PRMT3: variants seen among roughly 807,000 people sequenced by gnomAD.
PRMT3 encodes protein arginine methyltransferase 3.
PRMT3 carries 62 observed loss-of-function variants against 71.9 expected under a neutral mutation model. That is an observed-to-expected ratio of 0.86 (90% CI 0.70 to 1.07). The LOEUF (loss-of-function observed/expected upper bound fraction) is 1.07, where lower values mean the gene tolerates loss of function less well. Among genes scored for constraint, PRMT3 ranks in the 50% least tolerant of loss-of-function variants. The probability of loss-of-function intolerance (pLI) is 0.00; values close to 1 mark genes in which losing one functional copy is unlikely to be tolerated. For synonymous variants in PRMT3, 213 were observed against 220.4 expected (o/e 0.97, Z 0.30); for missense variants, 663 against 643.0 (o/e 1.03, Z -0.34).
chr11:20,410,609 AT>A (rs1290367237), intron 9 of PRMT3, among the ~76,000 whole-genome samples: 1 of 151,878 alleles, frequency 6.6e-6, no homozygotes, highest in African/African-American at 2.4e-5. Flanking sequence ...TTTAAGAACA[AT>A]TTTTTTTCTG....
intron 13 of PRMT3, among the ~76,000 whole-genome samples, chr11:20,491,755 C>T (rs1370046711): frequency 6.6e-6 from 1 of 152,094 alleles, no homozygotes; most frequent in Non-Finnish European, 1.5e-5. Context: ...TAGTTCAATG[C>T]TCTAAGCTTT....
intron 9 of PRMT3, among the ~76,000 whole-genome samples, chr11:20,422,759 CAT>C: frequency 6.6e-6 from 1 of 152,270 alleles, no homozygotes; most frequent in African/African-American, 2.4e-5. Flanking sequence ...CCTGAGCTAA[CAT>C]AGTTTCAAGT....
At chr11:20,427,008 G>A in intron 10 of PRMT3, 143 bp downstream of exon 10, 2 of 1,228,292 alleles carry the variant, frequency 1.6e-6, no homozygotes, top group Non-Finnish European at 2.1e-6. Context: ...ATACTATAAT[G>A]TGTAATTTAA....
At chr11:20,460,718 T>A (rs1395025091) in intron 11 of PRMT3, among the ~76,000 whole-genome samples, 1 of 152,232 alleles carries the variant, frequency 6.6e-6, no homozygotes, top group Non-Finnish European at 1.5e-5. Flanking sequence ...TCCTTTTGAA[T>A]CTGCCCATAT....
intron 15 of PRMT3, among the ~76,000 whole-genome samples, chr11:20,501,056 T>G (rs919855464): frequency 2.6e-5 from 4 of 152,208 alleles, no homozygotes; most frequent in African/African-American, 9.6e-5. Flanking sequence ...TTCTTGCTTT[T>G]GTCCAAGATG....
chr11:20,402,203 T>G (rs913410618), intron 7 of PRMT3, among the ~76,000 whole-genome samples: 3 of 151,990 alleles, frequency 2.0e-5, no homozygotes, highest in Non-Finnish European at 4.4e-5. Context: ...CACCGCAACC[T>G]CCGCCTCCCG....
rs185784745 is a variant in PRMT3, at chr11:20,460,842, A to G, written c.1073-1138A>G. The stretch of plus-strand genomic sequence containing the variant: ...TCAGCCTCAAAGTCCTCTGAGTTCT[A>G]CTTCATAAATATCCCTTGAATACAT... On this transcript the variant is annotated intron_variant, in intron 11 of 15. Coordinates refer to ENST00000331079, the MANE Select transcript of PRMT3 (RefSeq NM_005788.4). Among the ~76,000 whole-genome samples, 10 of 152,270 alleles carry G rather than the reference A, an allele frequency of 6.6e-5. No individual in the cohort carries two copies. In the East Asian group the frequency reaches 1.7e-3, roughly 26 times the overall value.
intron 10 of PRMT3, among the ~76,000 whole-genome samples, chr11:20,433,022 G>A (rs547992127): frequency 5.9e-5 from 9 of 151,638 alleles, no homozygotes; most frequent in African/African-American, 1.7e-4. Context: ...TTTCTTTTCT[G>A]TGCAGAAACT....
intron 13 of PRMT3, among the ~76,000 whole-genome samples, chr11:20,469,930 AAGAT>A (rs1472035457): frequency 6.6e-6 from 1 of 152,246 alleles, no homozygotes; most frequent in East Asian, 1.9e-4. Flanking sequence ...ACAGTTGTTA[AAGAT>A]AAACATCTGA....
chr11:20,451,064 T>G (rs1850137625), intron 10 of PRMT3, among the ~76,000 whole-genome samples: 1 of 152,170 alleles, frequency 6.6e-6, no homozygotes. Context: ...AAACTGATAG[T>G]GATTTCTCAG....
intron 15 of PRMT3, among the ~76,000 whole-genome samples, chr11:20,497,669 T>C (rs1851363654): frequency 6.6e-6 from 1 of 152,210 alleles, no homozygotes; most frequent in African/African-American, 2.4e-5. Flanking sequence ...CCCGGAGTTT[T>C]ACGCAAGTAA....
At chr11:20,474,908 A>G (rs2133422711) in intron 13 of PRMT3, among the ~76,000 whole-genome samples, 1 of 152,370 alleles carries the variant, frequency 6.6e-6, no homozygotes, top group African/African-American at 2.4e-5. Context: ...CTCACAATCT[A>G]AACTAAAACC....
intron 15 of PRMT3, among the ~76,000 whole-genome samples, chr11:20,504,741 A>AGAGAGAGC (rs1565243517): frequency 7.3e-6 from 1 of 137,734 alleles, no homozygotes; most frequent in Admixed American, 7.2e-5. Flanking sequence ...AGAGAGAGAG[A>AGAGAGAGC]GAGAGCGAGA....
intron 10 of PRMT3, among the ~76,000 whole-genome samples, chr11:20,427,586 G>A (rs1283101137): frequency 6.6e-6 from 1 of 151,986 alleles, no homozygotes; most frequent in African/African-American, 2.4e-5. Flanking sequence ...TTAGCTGGGC[G>A]TAGTGGCAGG....
At chr11:20,429,723 C>G (rs1463878887) in intron 10 of PRMT3, among the ~76,000 whole-genome samples, 1 of 152,170 alleles carries the variant, frequency 6.6e-6, no homozygotes, top group Non-Finnish European at 1.5e-5. Context: ...GAGTTGAAGT[C>G]TAGCAACTGT....
chr11:20,419,336 G>C (rs1026594679), intron 9 of PRMT3, among the ~76,000 whole-genome samples: 1 of 152,116 alleles, frequency 6.6e-6, no homozygotes, highest in African/African-American at 2.4e-5. Flanking sequence ...CTTTTGCTCA[G>C]GTTTCTTTTG....
chr11:20,427,167 A>G (rs1262757108), intron 10 of PRMT3, among the ~76,000 whole-genome samples: 1 of 152,134 alleles, frequency 6.6e-6, no homozygotes, highest in Non-Finnish European at 1.5e-5. Flanking sequence ...TTAGATACCT[A>G]AGTGTTTGCC....
intron 8 of PRMT3, among the ~76,000 whole-genome samples, chr11:20,404,646 A>T (rs1252879775): frequency 6.6e-6 from 1 of 152,144 alleles, no homozygotes; most frequent in Non-Finnish European, 1.5e-5. Context: ...GTTGCTTTAT[A>T]TTTCTAGTTG....
rs1231983440 is a variant in PRMT3 at position 20,395,893 on chromosome 11, A to G, written c.491A>G (p.His164Arg). Residue 164 changes from histidine (H) to arginine (R), a missense_variant, in exon 6 of 16, where the codon CAT becomes CGT. Transcript: ENST00000331079. ...ENTSVVEKLK[H>R]MEARALSAEA... Reference sequence around the variant, plus strand: ...ACATCTGTTGTTGAAAAATTGAAACATATGGAAGCCAGGGCACTGTCTGCT... The same window carrying G: ...ACATCTGTTGTTGAAAAATTGAAACGTATGGAAGCCAGGGCACTGTCTGCT... 6.2e-6 allele frequency: 10 copies of G among 1,614,212 alleles called. No individual in the cohort carries two copies. Among genetic ancestry groups the G allele is most frequent in the East Asian group, 2.2e-5 (1 of 44,882 alleles).
Sources: gnomAD v4.1 joint callset for allele counts (sites outside exome capture counted in the v4.1 genomes callset) on GRCh38, gnomAD v4.1.1 for gene constraint, MANE v1.5 for transcripts, NCBI Gene and HGNC (gene_info 2026-07-23, HGNC 2026-07-21) for gene names.